The following TSPEAR variants were observed in gnomAD, a reference collection of about 807,000 sequenced individuals.
The protein encoded by TSPEAR is thrombospondin type laminin G domain and EAR repeats.
In TSPEAR, 69 loss-of-function variants were observed where a neutral mutation model predicts 71.6. That is an observed-to-expected ratio of 0.96 (90% CI 0.79 to 1.18). The LOEUF (loss-of-function observed/expected upper bound fraction) is 1.18. Among genes scored for constraint, TSPEAR ranks in the 50% most tolerant of loss-of-function variants. The pLI is 0.00. For synonymous variants in TSPEAR, 402 were observed against 387.2 expected, an observed-to-expected ratio of 1.04 and a Z score of -0.45; for missense variants, 971 against 894.9, an observed-to-expected ratio of 1.09 and a Z score of -1.09.
chr21:44,615,688 C>T lies in TSPEAR; in HGVS notation c.83-47683G>A, dbSNP rs1050582520. Among the ~76,000 whole-genome samples, 3 of 151,944 alleles carry T rather than the reference C, an allele frequency of 2.0e-5. No homozygotes were observed. The East Asian group carries it at 5.8e-4, about 29-fold the overall frequency. ...AGGGCTTTCTCCCGCCTGCCCACAG[C>T]GAGTGCAGCTGAAGATGGCCAACTT... On this transcript the variant is annotated intron_variant, in intron 1 of 11. Coordinates refer to ENST00000323084, the MANE Select transcript of TSPEAR (RefSeq NM_144991.3).
intron 3 of TSPEAR, among the ~76,000 whole-genome samples, chr21:44,532,712 G>A (rs1420956435): frequency 2.6e-5 from 4 of 152,182 alleles, no homozygotes; most frequent in African/African-American, 9.7e-5. Context: ...CACAGTGGTA[G>A]ATCCTGACAT....
intron 2 of TSPEAR, among the ~76,000 whole-genome samples, chr21:44,566,876 C>T (rs2053710188): frequency 6.6e-6 from 1 of 152,070 alleles, no homozygotes; most frequent in Non-Finnish European, 1.5e-5. Context: ...ATTGAAGACT[C>T]ACATGTAAGT....
intron 1 of TSPEAR, among the ~76,000 whole-genome samples, chr21:44,675,587 T>C (rs1177694086): frequency 6.6e-6 from 1 of 152,008 alleles, no homozygotes; most frequent in Non-Finnish European, 1.5e-5. Flanking sequence ...AAATCAACAG[T>C]AGTAGAGATC....
intron 9 of TSPEAR, chr21:44,518,664 C>T (rs782695538): frequency 1.9e-4 from 90 of 470,760 alleles, no homozygotes; most frequent in Non-Finnish European, 3.3e-4. Context: ...CCTGGAGGCC[C>T]GCCCCCTGCC....
intron 1 of TSPEAR, chr21:44,654,170 G>T: frequency 1.1e-6 from 1 of 906,504 alleles, no homozygotes; most frequent in Non-Finnish European, 1.8e-6. Flanking sequence ...GTCTAGTCAG[G>T]TGACGACAGT....
At chr21:44,507,333 T>A (rs1555912039) in intron 10 of TSPEAR, among the ~76,000 whole-genome samples, 1 of 152,198 alleles carries the variant, frequency 6.6e-6, no homozygotes, top group Non-Finnish European at 1.5e-5. Context: ...AGCGACCATT[T>A]GAAGGCAGTC....
At chr21:44,666,713 C>T in intron 1 of TSPEAR, 3 of 1,613,668 alleles carry the variant, frequency 1.9e-6, no homozygotes, top group Non-Finnish European at 2.5e-6. Flanking sequence ...ACTGGCAGCT[C>T]ACGGGCAGGC....
At chr21:44,519,258 C>T (rs1483740285) in intron 9 of TSPEAR, 1 of 152,550 alleles carries the variant, frequency 6.6e-6, no homozygotes, top group African/African-American at 2.4e-5. Flanking sequence ...GTCTTGATCT[C>T]CTGACCTTGT....
chr21:44,701,194 G>A (rs1471561334), intron 1 of TSPEAR, among the ~76,000 whole-genome samples: 2 of 152,244 alleles, frequency 1.3e-5, no homozygotes, highest in East Asian at 1.9e-4. Flanking sequence ...GGGACAGCGC[G>A]GAGTGGTCGG....
At chr21:44,615,927 C>T (rs587640198) in intron 1 of TSPEAR, among the ~76,000 whole-genome samples, 1 of 152,306 alleles carries the variant, frequency 6.6e-6, no homozygotes, top group East Asian at 1.9e-4. Context: ...AAAACACGCC[C>T]ATGAGACAAC....
chr21:44,558,760 A>G, intron 2 of TSPEAR: 1 of 1,559,748 alleles, frequency 6.4e-7, no homozygotes, highest in South Asian at 1.2e-5. Flanking sequence ...TGAGTGAGTG[A>G]GTGTGGGAGT....
Position 44,593,749 on chromosome 21 carries a change from T to A in TSPEAR, c.83-25744A>T, listed in dbSNP as rs73907039. Reference sequence around the variant, plus strand: ...CAGGCAAGGGACAAGCCGCGTGCCCTACACTGAGAGGACGGACTCTGCTCT... The same window carrying A: ...CAGGCAAGGGACAAGCCGCGTGCCCAACACTGAGAGGACGGACTCTGCTCT... On this transcript the variant is annotated intron_variant, in intron 1 of 11. Transcript: ENST00000323084. This position sits in a 1 kb window ranked among gnomAD's most constrained non-coding sequence, Gnocchi z 5.9. Among the ~76,000 whole-genome samples the A allele has an allele frequency of 0.09, 13,663 of 152,266 alleles. 1,788 individuals are homozygous for A. Among genetic ancestry groups the A allele is most frequent in the African/African-American group, 0.28 (11,789 of 41,524 alleles).
At chr21:44,509,053 A>T in intron 10 of TSPEAR, 146 bp downstream of exon 10, 1 of 1,360,190 alleles carries the variant, frequency 7.4e-7, no homozygotes. Flanking sequence ...TTCCACAGGA[A>T]GGTCCCCAGG....
intron 1 of TSPEAR, among the ~76,000 whole-genome samples, chr21:44,653,239 T>A (rs1984921470): frequency 6.6e-6 from 1 of 152,210 alleles, no homozygotes; most frequent in Non-Finnish European, 1.5e-5. Context: ...ATGATGCCTC[T>A]GCGGTCCATA....
intron 1 of TSPEAR, among the ~76,000 whole-genome samples, chr21:44,603,018 A>G (rs1389921968): frequency 6.6e-6 from 1 of 151,590 alleles, no homozygotes; most frequent in Non-Finnish European, 1.5e-5. Flanking sequence ...TGCTGGGTGC[A>G]TTTCTGGTAG....
intron 2 of TSPEAR, chr21:44,557,921 A>G: frequency 3.6e-6 from 4 of 1,116,932 alleles, no homozygotes; most frequent in Non-Finnish European, 5.1e-6. Context: ...TCGGCATGAA[A>G]GCTCAGCATT....
chr21:44,551,278 C>T (rs1555918821), intron 2 of TSPEAR: 1 of 1,613,636 alleles, frequency 6.2e-7, no homozygotes, highest in Non-Finnish European at 8.5e-7. Flanking sequence ...GGCTCACAGG[C>T]CGCCTGGCAG....
chr21:44,527,535 T>C lies in TSPEAR; in HGVS notation c.923-17A>G, dbSNP rs142563576. On this transcript the variant is annotated splice_polypyrimidine_tract_variant and intron_variant, in intron 6 of 11. Coordinates refer to ENST00000323084, the MANE Select transcript of TSPEAR (RefSeq NM_144991.3). ...TTTCTTTGGCTTGTGATAGAAACGTTGTGACTCGGTTAAGATTTCCGAGAA... is the reference window on the plus strand; with the variant it reads ...TTTCTTTGGCTTGTGATAGAAACGTCGTGACTCGGTTAAGATTTCCGAGAA... 732 of 1,611,518 alleles carry C rather than the reference T, an allele frequency of 4.5e-4. 2 individuals are homozygous for C. The African/African-American group carries it at 8.3e-3, about 18-fold the overall frequency.
At chr21:44,528,333 G>T in intron 6 of TSPEAR, 119 bp downstream of exon 6, 2 of 1,434,852 alleles carry the variant, frequency 1.4e-6, no homozygotes, top group Non-Finnish European at 1.9e-6. Context: ...CCAGCCTGAC[G>T]GCCAAGCCTG....
Sources: gnomAD v4.1 joint callset for allele counts (sites outside exome capture counted in the v4.1 genomes callset) on GRCh38, gnomAD v4.1.1 for gene constraint, Gnocchi (gnomAD v3.1) non-coding constraint, MANE v1.5 for transcripts, NCBI Gene and HGNC (gene_info 2026-07-23, HGNC 2026-07-21) for gene names.